Variants in VPS26B observed in about 807,000 individuals in gnomAD.
The protein encoded by VPS26B is vacuolar protein sorting-associated protein 26B.
Under a neutral mutation model 33.3 loss-of-function variants are expected in VPS26B, and 10 were observed. The ratio of observed to expected loss-of-function variants is 0.30; its 90% confidence interval spans 0.19 to 0.51. The LOEUF is 0.51. VPS26B is among the 20% of genes least tolerant of loss of function. The probability of loss-of-function intolerance (pLI) is 0.98; values close to 1 mark genes in which losing one functional copy is unlikely to be tolerated. For synonymous variants in VPS26B, 190 were observed against 176.9 expected, an observed-to-expected ratio of 1.07 and a Z score of -0.59; for missense variants, 317 against 452.7, an observed-to-expected ratio of 0.70 and a Z score of 2.72.
chr11:134,245,381 C>T lies in VPS26B; in HGVS notation c.865-63C>T. ...TTCCCCACGTCAAAGTTGGGAGCCT[C>T]TAGGAAACCTGTCCCCATGCCTCCC... On this transcript the variant is annotated intron_variant, in intron 5 of 5. Transcript: ENST00000281187. This position sits in a 1 kb window ranked among gnomAD's most constrained non-coding sequence, Gnocchi z 4.7. 2 of 1,599,736 alleles carry T rather than the reference C, an allele frequency of 1.3e-6. No individual in the cohort carries two copies. Among genetic ancestry groups the T allele is most frequent in the Non-Finnish European group, 1.7e-6 (2 of 1,169,206 alleles).
chr11:134,238,323 A>G (rs1300800838), intron 2 of VPS26B, among the ~76,000 whole-genome samples: 5 of 152,174 alleles, frequency 3.3e-5, no homozygotes, highest in African/African-American at 1.2e-4. Flanking sequence ...GTAAGGAACA[A>G]AGCAGAGGAA....
At chr11:134,241,617 G>T (rs998415499) in intron 3 of VPS26B, among the ~76,000 whole-genome samples, 20 of 152,228 alleles carry the variant, frequency 1.3e-4, no homozygotes, top group Non-Finnish European at 7.3e-5. Flanking sequence ...TCTGGTGAAG[G>T]CAGAGGCCAG....
At chr11:134,241,499 G>T (rs1168745970) in intron 3 of VPS26B, among the ~76,000 whole-genome samples, 1 of 152,184 alleles carries the variant, frequency 6.6e-6, no homozygotes, top group African/African-American at 2.4e-5. Context: ...GCTGATCTGG[G>T]CCTGGCATGG....
At chr11:134,234,292 C>T (rs533964701) in intron 1 of VPS26B, among the ~76,000 whole-genome samples, 1 of 152,336 alleles carries the variant, frequency 6.6e-6, no homozygotes, top group Admixed American at 6.5e-5. Context: ...TTACCTACAT[C>T]ACCCCTGCTA....
In VPS26B at chr11:134,246,871, G is replaced by GA. The variant is rs1938837260; in HGVS notation, c.*1284dup. The GA allele has an allele frequency of 6.6e-6, 1 of 152,140 alleles. No individual in the cohort carries two copies. Among genetic ancestry groups the GA allele is most frequent in the Admixed American group, 6.5e-5 (1 of 15,276 alleles). The allele number at this position is 152,140 out of a possible 1,614,324, so 9.4% of individuals were successfully genotyped here. A position where few individuals can be genotyped will look rare whatever the true frequency, so the allele number is the denominator to read the frequency against. ...TACTGTCCTTTTTCTGCTTCCCCTG[G>GA]AAATGACAGGCATTACTCTCCCATT... On this transcript the variant is annotated 3_prime_UTR_variant, in exon 6 of 6. Transcript: ENST00000281187.
Position 134,240,269 on chromosome 11 carries a change from C to A in VPS26B, c.545+114C>A. ...GACTCGACTGCTTTGTGGTGGCATG[C>A]GGTGGGGGAAGACCGTGGGAGCAAT... is the stretch of plus-strand genomic sequence containing the variant. On this transcript the variant is annotated intron_variant, in intron 3 of 5. Coordinates refer to ENST00000281187, the MANE Select transcript of VPS26B (RefSeq NM_052875.5). This position sits in a 1 kb window ranked among gnomAD's most constrained non-coding sequence, Gnocchi z 4.4. 3 of 1,242,862 alleles carry A rather than the reference C, an allele frequency of 2.4e-6. No homozygotes were observed. Among genetic ancestry groups the A allele is most frequent in the Non-Finnish European group, 2.3e-6 (2 of 875,548 alleles). 77.0% of individuals were successfully genotyped at this position (1,242,862 alleles called of 1,614,324 possible). A position where few individuals can be genotyped will look rare whatever the true frequency, so the allele number is the denominator to read the frequency against.
chr11:134,245,884 T>G lies in VPS26B; in HGVS notation c.*294T>G. On this transcript the variant is annotated 3_prime_UTR_variant, in exon 6 of 6. Coordinates refer to ENST00000281187, the MANE Select transcript of VPS26B (RefSeq NM_052875.5). The surrounding 1 kb of genome is among the most constrained non-coding windows in gnomAD (Gnocchi z 4.7). ...TTCCTCGGGGGGCTGCCTTGCGTCTTAGAGGAGGGAGAGCAGAGAGCACGC... is the reference window on the plus strand; with the variant it reads ...TTCCTCGGGGGGCTGCCTTGCGTCTGAGAGGAGGGAGAGCAGAGAGCACGC... 2 of 386,620 alleles carry G rather than the reference T, an allele frequency of 5.2e-6. No homozygotes were observed. Among genetic ancestry groups the G allele is most frequent in the Non-Finnish European group, 4.8e-6 (1 of 208,034 alleles). 23.9% of individuals were successfully genotyped at this position (386,620 alleles called of 1,614,324 possible).
intron 1 of VPS26B, among the ~76,000 whole-genome samples, chr11:134,229,041 A>T (rs561775733): frequency 7.2e-5 from 11 of 152,020 alleles, no homozygotes; most frequent in African/African-American, 2.2e-4. Context: ...TATTTAAAAA[A>T]TTTTTTGAGA....
chr11:134,240,133 G>C lies in VPS26B; in HGVS notation c.523G>C (p.Glu175Gln). The change falls in exon 3 of 6, where the codon GAA (glutamate) becomes CAA (glutamine). Residue 175 changes from glutamate (E) to glutamine (Q), a missense_variant. Glu to Gln is a conservative substitution (Grantham distance 29). Transcript: ENST00000281187. This position sits in a 1 kb window ranked among gnomAD's most constrained non-coding sequence, Gnocchi z 4.4. The stretch of plus-strand genomic sequence containing the variant: ...TGGGATTGAGGACTGTCTGCACATT[G>C]AATTTGAGTACAATAAATCCAAGTA... ...EVGIEDCLHIEFEYNKSKYHL... is the reference protein window; with the variant it reads ...EVGIEDCLHIQFEYNKSKYHL... The C allele has an allele frequency of 1.2e-6, 2 of 1,614,206 alleles. No individual in the cohort carries two copies. Among genetic ancestry groups the C allele is most frequent in the Non-Finnish European group, 1.7e-6 (2 of 1,180,048 alleles).
chr11:134,237,657 G>A (rs1199303433), intron 2 of VPS26B, among the ~76,000 whole-genome samples: 5 of 152,142 alleles, frequency 3.3e-5, no homozygotes, highest in Non-Finnish European at 7.3e-5. Context: ...GGAGAGGGGG[G>A]TGAATCAGGG....
In VPS26B at chr11:134,246,318, A is replaced by G. The variant is rs981531511; in HGVS notation, c.*728A>G. On this transcript the variant is annotated 3_prime_UTR_variant, in exon 6 of 6. Coordinates refer to ENST00000281187, the MANE Select transcript of VPS26B (RefSeq NM_052875.5). ...GAACCCAGGAGGCTGAACCCGGCCC[A>G]CCACGGAAGATGAGTGCATGGCAAC... 1 of 152,392 alleles carries G rather than the reference A, an allele frequency of 6.6e-6. No individual in the cohort carries two copies. Among genetic ancestry groups the G allele is most frequent in the Non-Finnish European group, 1.5e-5 (1 of 68,270 alleles). 9.4% of individuals were successfully genotyped at this position (152,392 alleles called of 1,614,324 possible).
intron 2 of VPS26B, chr11:134,235,796 T>C (rs2136049395): frequency 6.6e-6 from 1 of 152,332 alleles, no homozygotes; most frequent in Non-Finnish European, 1.5e-5. Context: ...GATGCCAAGG[T>C]CTTTTGGGTG....
In VPS26B at chr11:134,244,972, G is replaced by C. The variant is rs765361088; in HGVS notation, c.756G>C (p.Gly252=). ...TCCCGATCCGGCTCTTCCTGGCCGG[G>C]TATGAGCTCACGCCCACCATGCGGG... ...ESIPIRLFLA[G]YELTPTMRDI... Residue 252 remains glycine, a synonymous_variant, in exon 5 of 6, where the codon GGG becomes GGC. Coordinates refer to ENST00000281187, the MANE Select transcript of VPS26B (RefSeq NM_052875.5). This position sits in a 1 kb window ranked among gnomAD's most constrained non-coding sequence, Gnocchi z 4.0. 2 of 1,614,052 alleles carry C rather than the reference G, an allele frequency of 1.2e-6. No homozygotes were observed. The highest frequency in any genetic ancestry group is 2.2e-5 in the South Asian group (2 of 91,084).
At chr11:134,232,593 C>T (rs1938572216) in intron 1 of VPS26B, among the ~76,000 whole-genome samples, 1 of 152,266 alleles carries the variant, frequency 6.6e-6, no homozygotes, top group Non-Finnish European at 1.5e-5. Flanking sequence ...ACCTTCTGCA[C>T]TGTTGCTAGG....
chr11:134,240,173 A>C lies in VPS26B; in HGVS notation c.545+18A>C, dbSNP rs545050601. 4 of 1,613,530 alleles carry C rather than the reference A, an allele frequency of 2.5e-6. No homozygotes were observed. In the East Asian group the frequency reaches 8.9e-5, roughly 36 times the overall value. ...AAATCCAAGTAAGTGTCTCAGTGCC[A>C]AGGTTGTGAAATGATTATTTAAGGA... On this transcript the variant is annotated intron_variant, in intron 3 of 5. Coordinates refer to ENST00000281187, the MANE Select transcript of VPS26B (RefSeq NM_052875.5). The surrounding 1 kb of genome is among the most constrained non-coding windows in gnomAD (Gnocchi z 4.4).
In VPS26B at chr11:134,245,800, A is replaced by G. The variant is rs1486152539; in HGVS notation, c.*210A>G. 1 of 638,750 alleles carries G rather than the reference A, an allele frequency of 1.6e-6. No individual in the cohort carries two copies. The highest frequency in any genetic ancestry group is 1.8e-5 in the African/African-American group (1 of 54,618). 39.6% of individuals were successfully genotyped at this position (638,750 alleles called of 1,614,324 possible). Reference sequence around the variant, plus strand: ...GTCTCTCCTTGGGATTCTGCGGCCGATGTGGGATAGAAGAGGTAGCATCCT... The same window carrying G: ...GTCTCTCCTTGGGATTCTGCGGCCGGTGTGGGATAGAAGAGGTAGCATCCT... On this transcript the variant is annotated 3_prime_UTR_variant, in exon 6 of 6. Transcript: ENST00000281187. This position sits in a 1 kb window ranked among gnomAD's most constrained non-coding sequence, Gnocchi z 4.7.
rs574391330 is a variant in VPS26B, at chr11:134,243,065, G to C, written c.546-54G>C. The C allele has an allele frequency of 4.0e-5, 64 of 1,593,708 alleles. No homozygotes were observed. In the African/African-American group the frequency reaches 6.0e-4, roughly 15 times the overall value. ...GTGGCGTGTGCGCTCTACTGAAACA[G>C]AAAGGTCTGGCCACAGTACCAACAT... is the stretch of plus-strand genomic sequence containing the variant. On this transcript the variant is annotated intron_variant, in intron 3 of 5. Coordinates refer to ENST00000281187, the MANE Select transcript of VPS26B (RefSeq NM_052875.5).
chr11:134,236,769 T>C (rs938026354), intron 2 of VPS26B: 1 of 152,182 alleles, frequency 6.6e-6, no homozygotes, highest in African/African-American at 2.4e-5. Flanking sequence ...GTCAAATTCA[T>C]AGAGACAGAA....
intron 1 of VPS26B, 119 bp downstream of exon 1, chr11:134,225,464 G>T (rs192471597): frequency 2.4e-5 from 24 of 1,014,504 alleles, no homozygotes; most frequent in Non-Finnish European, 3.4e-5. Flanking sequence ...TGCAGTCTGA[G>T]GCCTGGGGTT....
Sources: allele counts gnomAD v4.1 joint callset (sites outside exome capture counted in the v4.1 genomes callset), GRCh38; gene constraint gnomAD v4.1.1; non-coding constraint Gnocchi (gnomAD v3.1); transcripts MANE v1.5; gene names NCBI Gene and HGNC (gene_info 2026-07-23, HGNC 2026-07-21).